Variants in PIP4K2A observed in about 807,000 individuals in gnomAD.
The protein encoded by PIP4K2A is phosphatidylinositol 5-phosphate 4-kinase type-2 alpha.
A neutral mutation model predicts 42.9 loss-of-function variants in PIP4K2A; 14 were observed. The ratio of observed to expected loss-of-function variants is 0.33; its 90% CI spans 0.22 to 0.51. PIP4K2A has a LOEUF of 0.51. Ranked by LOEUF, PIP4K2A falls within the 20% of genes least tolerant of loss-of-function variation. The pLI, the probability that PIP4K2A is intolerant of heterozygous loss-of-function variation, is 0.97. For missense variants in PIP4K2A, 434 were observed against 519.8 expected (o/e 0.83, Z 1.61); for synonymous variants, 192 against 192.2 (o/e 1.00, Z 0.01).
chr10:22,633,458 T>C (rs759910136), intron 1 of PIP4K2A, among the ~76,000 whole-genome samples: 29 of 152,068 alleles, frequency 1.9e-4, no homozygotes, highest in Non-Finnish European at 2.9e-5. Context: ...AAAAATACCT[T>C]CATGGAAAAA....
chr10:22,549,534 G>A (rs1054221967), intron 7 of PIP4K2A, among the ~76,000 whole-genome samples: 1 of 151,958 alleles, frequency 6.6e-6, no homozygotes, highest in Non-Finnish European at 1.5e-5. Flanking sequence ...GTAACTCAAC[G>A]AAGTCCAAGA....
chr10:22,621,827 T>C (rs1444606632), intron 1 of PIP4K2A, among the ~76,000 whole-genome samples: 1 of 152,236 alleles, frequency 6.6e-6, no homozygotes, highest in Non-Finnish European at 1.5e-5. Context: ...TTCGTTAAGA[T>C]TCCAGAAGGA....
chr10:22,600,990 A>G (rs1837751539), intron 3 of PIP4K2A, among the ~76,000 whole-genome samples: 1 of 152,040 alleles, frequency 6.6e-6, no homozygotes, highest in Non-Finnish European at 1.5e-5. Context: ...ATAAAAATGA[A>G]AGGCAATGAC....
At chr10:22,540,226 C>T (rs1180930682) in intron 8 of PIP4K2A, 152 bp from the exon 9 acceptor site, 2 of 623,368 alleles carry the variant, frequency 3.2e-6, no homozygotes, top group Non-Finnish European at 5.8e-6. Flanking sequence ...CTCTACACCA[C>T]CCCTGCGGAT....
chr10:22,673,842 TC>T (rs1839503385), intron 1 of PIP4K2A, among the ~76,000 whole-genome samples: 1 of 152,178 alleles, frequency 6.6e-6, no homozygotes, highest in Non-Finnish European at 1.5e-5. Context: ...TAATCCTTTT[TC>T]TTCAGTAATA....
chr10:22,602,739 T>C (rs1837817920), intron 3 of PIP4K2A, among the ~76,000 whole-genome samples: 1 of 152,180 alleles, frequency 6.6e-6, no homozygotes, highest in South Asian at 2.1e-4. Context: ...TTTTTAGAGA[T>C]GGTGTCTCAC....
At chr10:22,565,568 G>T (rs1251260532) in intron 6 of PIP4K2A, among the ~76,000 whole-genome samples, 1 of 152,122 alleles carries the variant, frequency 6.6e-6, no homozygotes, top group Non-Finnish European at 1.5e-5. Flanking sequence ...CAGGACCATG[G>T]GATAATTGCG....
intron 1 of PIP4K2A, among the ~76,000 whole-genome samples, chr10:22,610,790 C>T (rs532254189): frequency 6.6e-6 from 1 of 152,278 alleles, no homozygotes; most frequent in African/African-American, 2.4e-5. Context: ...CAACGTTAAC[C>T]TGAGATCCTT....
intron 1 of PIP4K2A, among the ~76,000 whole-genome samples, chr10:22,640,640 A>G (rs1306775985): frequency 2.6e-5 from 4 of 152,162 alleles, no homozygotes; most frequent in African/African-American, 9.7e-5. Flanking sequence ...GAAAGAGACA[A>G]TGATGGGCAC....
chr10:22,605,193 C>CT (rs369936474), intron 3 of PIP4K2A, among the ~76,000 whole-genome samples: 36 of 150,312 alleles, frequency 2.4e-4, no homozygotes, highest in East Asian at 1.9e-4. Context: ...CTTTTTCTTT[C>CT]TTTTTTTTCT....
chr10:22,537,977 G>GCC (rs1346629835), intron 9 of PIP4K2A, among the ~76,000 whole-genome samples: 1 of 152,222 alleles, frequency 6.6e-6, no homozygotes, highest in Admixed American at 6.5e-5. Context: ...AGCAAGCCTG[G>GCC]CCCCCTGCAG....
intron 3 of PIP4K2A, among the ~76,000 whole-genome samples, chr10:22,592,148 G>C (rs1476127226): frequency 1.3e-5 from 2 of 152,168 alleles, no homozygotes; most frequent in African/African-American, 4.8e-5. Flanking sequence ...CAGTCACTGA[G>C]CATTTCCTTA....
chr10:22,607,860 T>C (rs758289808), intron 3 of PIP4K2A, 67 bp downstream of exon 3: 63 of 938,716 alleles, frequency 6.7e-5, no homozygotes, highest in Non-Finnish European at 1.0e-4. Context: ...CAGATCCCAA[T>C]TGACACAGCA....
intron 1 of PIP4K2A, 160 bp downstream of exon 1, chr10:22,714,023 C>T (rs113439363): frequency 2.9e-6 from 2 of 695,096 alleles, no homozygotes; most frequent in East Asian, 3.0e-5. Flanking sequence ...GGGCTGGGGG[C>T]ACGCGCCGCG....
At chr10:22,653,219 T>C (rs1839028506) in intron 1 of PIP4K2A, among the ~76,000 whole-genome samples, 1 of 151,894 alleles carries the variant, frequency 6.6e-6, no homozygotes, top group East Asian at 1.9e-4. Context: ...AAGAAGAAGA[T>C]ATGGAAAAGG....
rs1554807275 is a variant in PIP4K2A, at chr10:22,664,158, T to TATAC, written c.144+50024_144+50025insGTAT. 1.6e-3 allele frequency among the ~76,000 whole-genome samples: 107 copies of TATAC among 68,028 alleles called. 1 individual carries two copies. In the East Asian group the frequency reaches 0.016, roughly 10 times the overall value. The allele number at this position is 68,028 out of a possible 152,430, so 44.6% of individuals were successfully genotyped here. The stretch of plus-strand genomic sequence containing the variant: ...ATATATATACATATATATACACATA[T>TATAC]ATATATATACATATATATATATACA... On this transcript the variant is annotated intron_variant, in intron 1 of 9. Transcript: ENST00000376573.
chr10:22,683,192 G>A (rs1219447117), intron 1 of PIP4K2A, among the ~76,000 whole-genome samples: 3 of 152,198 alleles, frequency 2.0e-5, no homozygotes, highest in African/African-American at 7.2e-5. Context: ...AGCAAGGGCA[G>A]CTATCTGAGC....
intron 1 of PIP4K2A, among the ~76,000 whole-genome samples, chr10:22,692,900 G>A (rs185056811): frequency 3.6e-4 from 55 of 152,240 alleles, no homozygotes; most frequent in African/African-American, 5.8e-4. Flanking sequence ...GAAAATGTTC[G>A]TCAAGGAATC....
intron 1 of PIP4K2A, among the ~76,000 whole-genome samples, chr10:22,663,204 C>T (rs1449225496): frequency 6.6e-6 from 1 of 152,152 alleles, no homozygotes; most frequent in Non-Finnish European, 1.5e-5. Context: ...GAGACTATTT[C>T]TTTTTCTGCA....
Sources: allele counts gnomAD v4.1 joint callset (sites outside exome capture counted in the v4.1 genomes callset), GRCh38; gene constraint gnomAD v4.1.1; transcripts MANE v1.5; gene names NCBI Gene and HGNC (gene_info 2026-07-23, HGNC 2026-07-21).